TRPM3: variants seen among roughly 807,000 people sequenced by gnomAD.
TRPM3 encodes transient receptor potential cation channel subfamily M member 3.
In TRPM3, 77 loss-of-function variants were observed where a neutral mutation model predicts 181.2. The observed-to-expected ratio is 0.42, with a 90% CI of 0.35 to 0.51. The LOEUF (loss-of-function observed/expected upper bound fraction) is 0.51, where lower values mean the gene tolerates loss of function less well. TRPM3 is among the 20% of genes least tolerant of loss of function. TRPM3 has a pLI of 0.01. For missense variants in TRPM3, 1,759 were observed against 2,196.7 expected (o/e 0.80, Z 3.98); for synonymous variants, 745 against 796.4 (o/e 0.94, Z 1.09).
chr9:71,201,094 G>C (rs1231395922), intron 1 of TRPM3, among the ~76,000 whole-genome samples: 2 of 151,926 alleles, frequency 1.3e-5, no homozygotes, highest in Admixed American at 6.6e-5. Flanking sequence ...CTCAGCATTT[G>C]CTTGTCTGTA....
chr9:71,231,739 C>T (rs1019198322), intron 1 of TRPM3, among the ~76,000 whole-genome samples: 4 of 152,158 alleles, frequency 2.6e-5, no homozygotes, highest in African/African-American at 4.8e-5. Flanking sequence ...TGGGTCAACA[C>T]GGACATTAAC....
intron 1 of TRPM3, among the ~76,000 whole-genome samples, chr9:70,866,536 T>C (rs2095652884): frequency 1.3e-5 from 2 of 152,060 alleles, no homozygotes; most frequent in Admixed American, 1.3e-4. Flanking sequence ...GTCATGATTT[T>C]GGGGGTACTA....
At chr9:70,653,348 A>C (rs968348219) in intron 9 of TRPM3, among the ~76,000 whole-genome samples, 21 of 152,074 alleles carry the variant, frequency 1.4e-4, no homozygotes, top group African/African-American at 4.6e-4. Context: ...GTATTAGAGG[A>C]TATGGCTTAA....
intron 1 of TRPM3, among the ~76,000 whole-genome samples, chr9:71,072,683 G>T (rs557458295): frequency 6.6e-6 from 1 of 152,140 alleles, no homozygotes; most frequent in Non-Finnish European, 1.5e-5. Context: ...GTTGAAGGCC[G>T]AAAGAGTGAG....
At chr9:71,078,819 A>C (rs2063815227) in intron 1 of TRPM3, among the ~76,000 whole-genome samples, 1 of 148,994 alleles carries the variant, frequency 6.7e-6, no homozygotes, top group Non-Finnish European at 1.5e-5. Context: ...TTTAGAGCAT[A>C]ATAAATGCAG....
intron 1 of TRPM3, among the ~76,000 whole-genome samples, chr9:70,935,319 A>G (rs1269756515): frequency 6.6e-6 from 1 of 152,170 alleles, no homozygotes; most frequent in Non-Finnish European, 1.5e-5. Context: ...ACTCAGGGGC[A>G]AGGGACCCAA....
In TRPM3 at chr9:71,308,817, T is replaced by G. The variant is rs144463787; in HGVS notation, c.183+137836A>C. Among the ~76,000 whole-genome samples the G allele has an allele frequency of 6.7e-4, 102 of 152,230 alleles. 2 individuals are homozygous for G. The highest frequency in any genetic ancestry group is 2.3e-3 in the African/African-American group (97 of 41,562). ...TGATTGCCAATCTTTGGGAATGAGA[T>G]TATGACAACAATTCTAATGCATTGG... On this transcript the variant is annotated intron_variant, in intron 1 of 24. Transcript: ENST00000357533.
intron 1 of TRPM3, among the ~76,000 whole-genome samples, chr9:71,098,450 A>C (rs886546788): frequency 6.6e-6 from 1 of 152,220 alleles, no homozygotes; most frequent in Non-Finnish European, 1.5e-5. Flanking sequence ...CCGGTTTAAC[A>C]TAACTACTTT....
At chr9:71,357,238 C>A (rs1194327969) in intron 1 of TRPM3, among the ~76,000 whole-genome samples, 8 of 152,132 alleles carry the variant, frequency 5.3e-5, no homozygotes, top group Admixed American at 3.9e-4. Context: ...AGTATCAGTA[C>A]TTGCTACATG....
At chr9:71,081,673 A>T (rs1233574771) in intron 1 of TRPM3, among the ~76,000 whole-genome samples, 2 of 152,202 alleles carry the variant, frequency 1.3e-5, no homozygotes, top group Non-Finnish European at 2.9e-5. Context: ...TTGAAATTAC[A>T]CACACACATA....
chr9:70,654,002 G>T (rs1019258101), intron 9 of TRPM3, among the ~76,000 whole-genome samples: 24 of 152,006 alleles, frequency 1.6e-4, no homozygotes, highest in African/African-American at 5.6e-4. Flanking sequence ...TGACCTTGGT[G>T]TGTGTAATGG....
At chr9:70,845,716 C>A (rs1330068633) in intron 4 of TRPM3, among the ~76,000 whole-genome samples, 1 of 152,072 alleles carries the variant, frequency 6.6e-6, no homozygotes, top group Non-Finnish European at 1.5e-5. Flanking sequence ...GGGGAGTATG[C>A]CAAAAACATT....
intron 1 of TRPM3, among the ~76,000 whole-genome samples, chr9:71,173,908 T>C (rs2076984009): frequency 6.6e-6 from 1 of 152,192 alleles, no homozygotes; most frequent in Non-Finnish European, 1.5e-5. Context: ...GGGCATTGCT[T>C]TGCATTATAA....
At position 71,383,361 on chromosome 9, in the gene TRPM3, C is replaced by T. The variant is rs139221109; in HGVS notation, c.183+63292G>A. Among the ~76,000 whole-genome samples, 877 of 152,232 alleles carry T rather than the reference C, an allele frequency of 5.8e-3. 12 individuals carry two copies. Among genetic ancestry groups the T allele is most frequent in the African/African-American group, 0.02 (843 of 41,546 alleles). On this transcript the variant is annotated intron_variant, in intron 1 of 24. Transcript: ENST00000357533. ...TTTCCTTGTTTTGTGCCCTTGTAAA[C>T]TGACCACTATGGACTGCATCTATTT...
chr9:70,543,801 G>C (rs1463996320), intron 25 of TRPM3, among the ~76,000 whole-genome samples: 3 of 152,180 alleles, frequency 2.0e-5, no homozygotes, highest in African/African-American at 7.2e-5. Context: ...TCAAACTTCT[G>C]ACAAGTGAAG....
At chr9:70,824,412 T>C (rs2093414469) in intron 6 of TRPM3, 1 of 152,134 alleles carries the variant, frequency 6.6e-6, no homozygotes, top group South Asian at 2.1e-4. Flanking sequence ...AATAAAATTT[T>C]ATCCTTTTAA....
intron 5 of TRPM3, 34 bp from the exon 6 acceptor site, chr9:70,828,052 GA>G: frequency 3.2e-6 from 5 of 1,573,642 alleles, no homozygotes; most frequent in South Asian, 1.2e-5. Context: ...GCAGAAGTCA[GA>G]AAAAAAGAAC....
At chr9:70,651,930 G>C (rs546988225) in intron 9 of TRPM3, among the ~76,000 whole-genome samples, 1 of 152,162 alleles carries the variant, frequency 6.6e-6, no homozygotes, top group South Asian at 2.1e-4. Context: ...CTGAAATATT[G>C]GGAATGGATA....
intron 1 of TRPM3, among the ~76,000 whole-genome samples, chr9:71,332,669 T>C (rs1422470396): frequency 6.6e-6 from 1 of 151,670 alleles, no homozygotes; most frequent in African/African-American, 2.4e-5. Flanking sequence ...GTTGCACAAT[T>C]TCATGAAGAT....
Sources: gnomAD v4.1 joint callset for allele counts (sites outside exome capture counted in the v4.1 genomes callset) on GRCh38, gnomAD v4.1.1 for gene constraint, MANE v1.5 for transcripts, NCBI Gene and HGNC (gene_info 2026-07-23, HGNC 2026-07-21) for gene names.